The following CELF5 variants were observed in gnomAD, a reference collection of about 807,000 sequenced individuals.
CELF5 encodes CUG-BP and ETR-3 like factor 5.
A neutral mutation model predicts 54.9 loss-of-function variants in CELF5; 6 were observed. The observed-to-expected ratio is 0.11, with a 90% CI of 0.06 to 0.22. The LOEUF (loss-of-function observed/expected upper bound fraction) is 0.22. CELF5 is among the 10% of genes least tolerant of loss of function. The pLI, the probability that CELF5 is intolerant of heterozygous loss-of-function variation, is 1.00. For synonymous variants in CELF5, 271 were observed against 290.9 expected (o/e 0.93, Z 0.70); for missense variants, 401 against 678.6 (o/e 0.59, Z 4.54).
At chr19:3,231,313 G>A (rs1352546528) in intron 1 of CELF5, among the ~76,000 whole-genome samples, 2 of 152,230 alleles carry the variant, frequency 1.3e-5, no homozygotes, top group Non-Finnish European at 2.9e-5. Context: ...TGGAGAGATA[G>A]ATATGTGAAT....
At chr19:3,288,193 A>G (rs1355830539) in intron 10 of CELF5, among the ~76,000 whole-genome samples, 1 of 152,194 alleles carries the variant, frequency 6.6e-6, no homozygotes, top group African/African-American at 2.4e-5. Context: ...TATGCTCAAA[A>G]TTGTTCAGTT....
chr19:3,250,061 C>G (rs8113173), intron 1 of CELF5, among the ~76,000 whole-genome samples: 31,451 of 152,082 alleles, frequency 0.21, 3,735 homozygotes, highest in East Asian at 0.55. Context: ...AGGGGTGGAA[C>G]GGGTGGAAAA....
At chr19:3,233,175 T>C (rs960329444) in intron 1 of CELF5, among the ~76,000 whole-genome samples, 1 of 152,002 alleles carries the variant, frequency 6.6e-6, no homozygotes, top group African/African-American at 2.4e-5. Context: ...GAGCCCTAGC[T>C]GCTTGGGAGG....
intron 10 of CELF5, chr19:3,286,357 C>T (rs1158156556): frequency 6.1e-6 from 2 of 325,240 alleles, no homozygotes; most frequent in East Asian, 5.4e-5. Context: ...GATGAGGTAT[C>T]AGGTAATGAG....
At chr19:3,233,198 GA>G (rs1917352551) in intron 1 of CELF5, among the ~76,000 whole-genome samples, 1 of 152,220 alleles carries the variant, frequency 6.6e-6, no homozygotes, top group Admixed American at 6.5e-5. Flanking sequence ...GAGGTGCGAG[GA>G]TGGCTTGAGC....
chr19:3,232,684 G>C (rs1568328104), intron 1 of CELF5, among the ~76,000 whole-genome samples: 1 of 152,004 alleles, frequency 6.6e-6, no homozygotes, highest in East Asian at 1.9e-4. Flanking sequence ...CATCACGCCT[G>C]TAATCCCAGC....
chr19:3,258,643 G>A lies in CELF5; in HGVS notation c.342+7576G>A, dbSNP rs962974515. ...TTTTATTTTTTAGAGACAGGGTCTTGCTCTGTCGCCCAGGCTGGAGTGCAG... is the reference window on the plus strand; with the variant it reads ...TTTTATTTTTTAGAGACAGGGTCTTACTCTGTCGCCCAGGCTGGAGTGCAG... On this transcript the variant is annotated intron_variant, in intron 2 of 12. Coordinates refer to ENST00000292672, the MANE Select transcript of CELF5 (RefSeq NM_021938.4). Among the ~76,000 whole-genome samples, 4 of 151,836 alleles carry A rather than the reference G, an allele frequency of 2.6e-5. No individual in the cohort carries two copies. The East Asian group carries it at 5.8e-4, about 22-fold the overall frequency.
At chr19:3,288,178 C>G (rs1439390412) in intron 10 of CELF5, among the ~76,000 whole-genome samples, 1 of 152,148 alleles carries the variant, frequency 6.6e-6, no homozygotes, top group Non-Finnish European at 1.5e-5. Context: ...ATGCAAAATT[C>G]AGGTTATGCT....
chr19:3,251,672 TTTGTTG>T (rs1555720291), intron 2 of CELF5, among the ~76,000 whole-genome samples: 18 of 121,324 alleles, frequency 1.5e-4, no homozygotes, highest in Non-Finnish European at 2.1e-4. Context: ...TTTTTTTTTT[TTTGTTG>T]TTGTTGTTGT....
chr19:3,292,601 T>C (rs12151096), intron 11 of CELF5, among the ~76,000 whole-genome samples: 83,656 of 151,884 alleles, frequency 0.55, 24,340 homozygotes, highest in Middle Eastern at 0.69. Flanking sequence ...GGAGTATTTC[T>C]GATGGCCTCT....
chr19:3,225,088 T>G, intron 1 of CELF5, 90 bp downstream of exon 1: 1 of 736,830 alleles, frequency 1.4e-6, no homozygotes, highest in Non-Finnish European at 2.0e-6. Context: ...CCATCCCTCC[T>G]CTGCTCACCT....
In CELF5 at chr19:3,282,471, T is replaced by G; in HGVS notation, c.1012T>G (p.Tyr338Asp). Residue 338 changes from tyrosine (Y) to aspartate (D), a missense_variant, in exon 8 of 13, where the codon TAT becomes GAT. Around this residue, in one of 6 missense-constraint regions of CELF5, gnomAD observed 143 missense variants for 147.6 expected, o/e 0.97. Transcript: ENST00000292672. This position sits in a 1 kb window ranked among gnomAD's most constrained non-coding sequence, Gnocchi z 5.2. ...TGGGCACCCTGCCCTGGAAACCGTC[T>G]ATGCCAATGGCCTTGTGCCCTACCC... ...PGGHPALETVYANGLVPYPAQ... is the reference protein window; with the variant it reads ...PGGHPALETVDANGLVPYPAQ... 2 of 1,613,682 alleles carry G rather than the reference T, an allele frequency of 1.2e-6. No individual in the cohort carries two copies. The highest frequency in any genetic ancestry group is 1.7e-6 in the Non-Finnish European group (2 of 1,179,986).
Position 3,285,948 on chromosome 19 carries a change from AC to A in CELF5, c.1113del (p.Thr372ProfsTer45). 2 of 1,580,578 alleles carry A rather than the reference AC, an allele frequency of 1.3e-6. No individual in the cohort carries two copies. ...FSGVQQYTAM[Y>X]PTAAITPIAH... ...CTCGCTCCGGTCTCCGCAGCCATGT[AC>A]CCCACCGCGGCCATCACGCCCATCG... On this transcript the variant is annotated frameshift_variant, in exon 10 of 13. Coordinates refer to ENST00000292672, the MANE Select transcript of CELF5 (RefSeq NM_021938.4). LOFTEE classifies it high-confidence loss of function.
At chr19:3,247,010 G>T (rs1263108735) in intron 1 of CELF5, among the ~76,000 whole-genome samples, 1 of 152,218 alleles carries the variant, frequency 6.6e-6, no homozygotes, top group Non-Finnish European at 1.5e-5. Flanking sequence ...ATGCGCACAT[G>T]GTGGGGACAC....
rs2080172139 is a variant in CELF5 at position 3,282,614 on chromosome 19, AG to A, written c.1039+119del. 8.2e-7 allele frequency: 1 copy of A among 1,219,050 alleles called. No homozygotes were observed. The highest frequency in any genetic ancestry group is 2.4e-5 in the Admixed American group (1 of 41,878). 75.5% of individuals were successfully genotyped at this position (1,219,050 alleles called of 1,614,324 possible). On this transcript the variant is annotated intron_variant, in intron 8 of 12. Coordinates refer to ENST00000292672, the MANE Select transcript of CELF5 (RefSeq NM_021938.4). The surrounding 1 kb of genome is among the most constrained non-coding windows in gnomAD (Gnocchi z 5.2). ...CCCAGGGAACAGAAGGGCAGGAAAA[AG>A]GGTGTCTCCGCTGAGCAGATAAGAG... is the stretch of plus-strand genomic sequence containing the variant.
chr19:3,260,140 A>G (rs190641841), intron 2 of CELF5, among the ~76,000 whole-genome samples: 39 of 152,288 alleles, frequency 2.6e-4, no homozygotes, highest in Non-Finnish European at 4.3e-4. Context: ...TTATTGAGAC[A>G]GAGTCTGTCT....
At chr19:3,260,805 G>C (rs1339810825) in intron 2 of CELF5, among the ~76,000 whole-genome samples, 1 of 151,708 alleles carries the variant, frequency 6.6e-6, no homozygotes, top group Non-Finnish European at 1.5e-5. Context: ...TGTATTTTTA[G>C]TACAGACGGG....
chr19:3,256,934 T>C (rs2079736306), intron 2 of CELF5, among the ~76,000 whole-genome samples: 1 of 151,982 alleles, frequency 6.6e-6, no homozygotes, highest in African/African-American at 2.4e-5. Context: ...GGCACAATCA[T>C]AGCTCATAGC....
At chr19:3,271,279 G>C (rs946861298) in intron 2 of CELF5, among the ~76,000 whole-genome samples, 1 of 150,528 alleles carries the variant, frequency 6.6e-6, no homozygotes, top group African/African-American at 2.4e-5. Context: ...CCCGCTTCCA[G>C]CCCAGAAGCT....
Sources: gnomAD v4.1 joint callset for allele counts (sites outside exome capture counted in the v4.1 genomes callset) on GRCh38, gnomAD v4.1.1 for gene constraint, gnomAD v4.1.1 regional missense constraint, Gnocchi (gnomAD v3.1) non-coding constraint, MANE v1.5 for transcripts, NCBI Gene and HGNC (gene_info 2026-07-23, HGNC 2026-07-21) for gene names.